Variants in SCHIP1 observed in about 807,000 individuals in gnomAD.
SCHIP1 encodes schwannomin-interacting protein 1.
SCHIP1 carries 8 observed loss-of-function variants against 29.7 expected under a neutral mutation model. The ratio of observed to expected loss-of-function variants is 0.27; its 90% confidence interval spans 0.16 to 0.49. The LOEUF (loss-of-function observed/expected upper bound fraction) is 0.49. Ranked by LOEUF, SCHIP1 falls within the 20% of genes least tolerant of loss-of-function variation. The probability of loss-of-function intolerance (pLI) is 0.99; values close to 1 mark genes in which losing one functional copy is unlikely to be tolerated. For synonymous variants in SCHIP1, 76 were observed against 94.9 expected (o/e 0.80, Z 1.16); for missense variants, 193 against 294.6 (o/e 0.66, Z 2.52).
At chr3:159,896,026 A>G (rs1376828067) in intron 6 of SCHIP1, among the ~76,000 whole-genome samples, 2 of 152,178 alleles carry the variant, frequency 1.3e-5, no homozygotes, top group Non-Finnish European at 2.9e-5. Context: ...AAGAAGACTC[A>G]CCCTATCCTC....
the SCHIP1 span, among the ~76,000 whole-genome samples, chr3:159,380,941 G>A: frequency 8.3e-4 from 126 of 152,310 alleles, no homozygotes; most frequent in East Asian, 0.018. Context: ...GTCTGCAGCA[G>A]CTCATAACAG....
chr3:159,633,157 G>A, the SCHIP1 span, among the ~76,000 whole-genome samples: 1 of 152,242 alleles, frequency 6.6e-6, no homozygotes, highest in Non-Finnish European at 1.5e-5. Context: ...ACTAAGGGTT[G>A]GGACACAGAT....
chr3:159,441,559 A>G, the SCHIP1 span, among the ~76,000 whole-genome samples: 3 of 151,968 alleles, frequency 2.0e-5, no homozygotes, highest in South Asian at 6.2e-4. Context: ...GAGAGTTCAA[A>G]CCAGCACTCT....
chr3:159,296,721 C>G, the SCHIP1 span, among the ~76,000 whole-genome samples: 2 of 151,584 alleles, frequency 1.3e-5, no homozygotes, highest in African/African-American at 2.4e-5. Flanking sequence ...TTCAGTGAGC[C>G]GAGATCGCAC....
chr3:159,748,700 T>G, the SCHIP1 span, among the ~76,000 whole-genome samples: 3 of 152,342 alleles, frequency 2.0e-5, no homozygotes, highest in African/African-American at 4.8e-5. Context: ...TCCTAGGTAA[T>G]AGACTCATTT....
At chr3:159,343,133 G>C in the SCHIP1 span, among the ~76,000 whole-genome samples, 1 of 152,048 alleles carries the variant, frequency 6.6e-6, no homozygotes, top group Non-Finnish European at 1.5e-5. Context: ...CTACATTCTG[G>C]AGATGAGAAG....
At chr3:159,320,029 A>G in the SCHIP1 span, among the ~76,000 whole-genome samples, 4 of 152,188 alleles carry the variant, frequency 2.6e-5, no homozygotes, top group East Asian at 7.7e-4. Context: ...TAGAAGGTGG[A>G]GCCTTTGAGA....
At chr3:159,513,366 A>C in the SCHIP1 span, among the ~76,000 whole-genome samples, 1 of 152,192 alleles carries the variant, frequency 6.6e-6, no homozygotes, top group East Asian at 1.9e-4. Context: ...TTGTTTAAGA[A>C]CCTGGATAAG....
At chr3:159,500,137 T>G in the SCHIP1 span, among the ~76,000 whole-genome samples, 1 of 152,132 alleles carries the variant, frequency 6.6e-6, no homozygotes, top group African/African-American at 2.4e-5. Context: ...TCCAGTTTTT[T>G]GTTTTTTTGT....
the SCHIP1 span, among the ~76,000 whole-genome samples, chr3:159,746,422 C>G: frequency 6.6e-6 from 1 of 152,170 alleles, no homozygotes; most frequent in Non-Finnish European, 1.5e-5. Context: ...GATCTGCACT[C>G]TCACTCCCTT....
the SCHIP1 span, chr3:159,274,045 C>T: frequency 1.7e-5 from 17 of 981,886 alleles, no homozygotes; most frequent in Non-Finnish European, 2.1e-5. Flanking sequence ...TTGGAATGTT[C>T]ATTTGAAAAA....
At chr3:159,275,516 T>A in the SCHIP1 span, among the ~76,000 whole-genome samples, 1 of 152,168 alleles carries the variant, frequency 6.6e-6, no homozygotes, top group Non-Finnish European at 1.5e-5. Flanking sequence ...ATTTATTTGA[T>A]CTTTGTCTCT....
At chr3:159,352,228 T>G in the SCHIP1 span, among the ~76,000 whole-genome samples, 1 of 152,146 alleles carries the variant, frequency 6.6e-6, no homozygotes, top group African/African-American at 2.4e-5. Context: ...TACAGCTCAT[T>G]ATCTGCTCTA....
At chr3:159,565,180 A>T in the SCHIP1 span, among the ~76,000 whole-genome samples, 2 of 152,192 alleles carry the variant, frequency 1.3e-5, no homozygotes, top group Non-Finnish European at 2.9e-5. Flanking sequence ...GCTCATAGGT[A>T]GGGAGCCATC....
chr3:159,354,878 TAAAAG>T, the SCHIP1 span, among the ~76,000 whole-genome samples: 1 of 152,336 alleles, frequency 6.6e-6, no homozygotes, highest in East Asian at 1.9e-4. Flanking sequence ...ATGGCAGTAT[TAAAAG>T]AAAAGAACCG....
chr3:159,508,664 T>G, the SCHIP1 span, among the ~76,000 whole-genome samples: 1 of 152,232 alleles, frequency 6.6e-6, no homozygotes, highest in Non-Finnish European at 1.5e-5. Flanking sequence ...TCTGGTATGT[T>G]GTGTCTTTGT....
the SCHIP1 span, among the ~76,000 whole-genome samples, chr3:159,408,834 A>T: frequency 3.3e-5 from 5 of 152,238 alleles, no homozygotes; most frequent in African/African-American, 9.6e-5. Flanking sequence ...GACACATCAA[A>T]GAAAGAAAAA....
the SCHIP1 span, among the ~76,000 whole-genome samples, chr3:159,593,109 T>A: frequency 2.0e-5 from 3 of 152,142 alleles, no homozygotes; most frequent in Non-Finnish European, 4.4e-5. Context: ...CTTACACAAT[T>A]GTTGTGATAA....
At chr3:159,385,549 C>G in the SCHIP1 span, among the ~76,000 whole-genome samples, 1 of 134,688 alleles carries the variant, frequency 7.4e-6, no homozygotes, top group Non-Finnish European at 1.5e-5. Flanking sequence ...AGATCAAGAG[C>G]AAGACTCTGC....
Sources: allele counts gnomAD v4.1 joint callset (sites outside exome capture counted in the v4.1 genomes callset), GRCh38; gene constraint gnomAD v4.1.1; transcripts MANE v1.5; gene names NCBI Gene and HGNC (gene_info 2026-07-23, HGNC 2026-07-21).